Variants in YTHDF1 observed in about 807,000 individuals in gnomAD.
YTHDF1 encodes YTH N6-methyladenosine RNA binding protein F1.
In YTHDF1, 16 loss-of-function variants were observed where a neutral mutation model predicts 49.1. That is an observed-to-expected ratio of 0.33 (90% CI 0.22 to 0.49). The LOEUF (loss-of-function observed/expected upper bound fraction) is 0.49. Among genes scored for constraint, YTHDF1 ranks in the 20% least tolerant of loss-of-function variants. The probability of loss-of-function intolerance (pLI) is 0.99; values close to 1 mark genes in which losing one functional copy is unlikely to be tolerated. For synonymous variants in YTHDF1, 313 were observed against 290.1 expected, an observed-to-expected ratio of 1.08 and a Z score of -0.80; for missense variants, 621 against 744.3, an observed-to-expected ratio of 0.83 and a Z score of 1.93.
chr20:63,199,248 A>G (rs1028750622), intron 4 of YTHDF1, among the ~76,000 whole-genome samples: 6 of 152,342 alleles, frequency 3.9e-5, no homozygotes, highest in Admixed American at 2.6e-4. Context: ...GGCCGGGCGC[A>G]GTGGCTCACG....
chr20:63,215,994 G>T lies in YTHDF1; in HGVS notation c.-102C>A. The T allele has an allele frequency of 1.8e-6, 2 of 1,085,154 alleles. No homozygotes were observed. The highest frequency in any genetic ancestry group is 2.3e-6 in the Non-Finnish European group (2 of 885,108). 67.2% of individuals were successfully genotyped at this position (1,085,154 alleles called of 1,614,324 possible). A position where few individuals can be genotyped will look rare whatever the true frequency, so the allele number is the denominator to read the frequency against. On this transcript the variant is annotated 5_prime_UTR_variant, in exon 1 of 5. Transcript: ENST00000370339. ...AGCTCGCGCGGCCCCGGGCCCCGCC[G>T]CCAATTCCCCGGGCGCCGGCCGGGC...
rs6122396 is a variant in YTHDF1 at position 63,203,098 on chromosome 20, G to C, written c.842C>G (p.Pro281Arg). The C allele has an allele frequency of 6.2e-7, 1 of 1,608,482 alleles. No individual in the cohort carries two copies. Among genetic ancestry groups the C allele is most frequent in the East Asian group, 2.2e-5 (1 of 44,790 alleles). ...IGTWDNKGPV[P>R]KAPVPQQAPS... ...TGCCTGCTGGGGGACTGGGGCCTTC[G>C]GCACAGGCCCCTTGTTATCCCAGGT... is the stretch of plus-strand genomic sequence containing the variant. The change falls in exon 4 of 5, where the codon CCG (proline) becomes CGG (arginine). Residue 281 changes from proline to arginine, a missense_variant. This residue lies in a region of YTHDF1 where 470 missense variants were observed against 495.8 expected (regional missense o/e 0.95). Transcript: ENST00000370339. The surrounding 1 kb of genome is among the most constrained non-coding windows in gnomAD (Gnocchi z 4.4).
At chr20:63,214,798 T>C (rs551848357) in intron 2 of YTHDF1, among the ~76,000 whole-genome samples, 1 of 152,290 alleles carries the variant, frequency 6.6e-6, no homozygotes, top group South Asian at 2.1e-4. Flanking sequence ...GGGGGAAGTA[T>C]GTAACTTTTT....
intron 3 of YTHDF1, among the ~76,000 whole-genome samples, chr20:63,212,375 A>G (rs11906654): frequency 0.23 from 34,575 of 152,238 alleles, 3,994 homozygotes; most frequent in East Asian, 0.35. Flanking sequence ...ACACCTCAGA[A>G]AAGGGCAGAC....
rs137900221 is a variant in YTHDF1, at chr20:63,196,711, T to C, written c.1677A>G (p.Gln559=). 5.0e-6 allele frequency: 8 copies of C among 1,613,844 alleles called. No homozygotes were observed. The African/African-American group carries it at 6.7e-5, about 13-fold the overall frequency. The change falls in exon 5 of 5, where the codon CAA becomes CAG. Residue 559 remains glutamine (Q), a synonymous_variant. Transcript: ENST00000370339. The part of the protein sequence containing the change: ...VRKERQSRNK[Q] ...CATGTAAGAAACTGGTTCGCCCTCATTGTTTGTTTCGACTCTGCCGTTCCT... is the reference window on the plus strand; with the variant it reads ...CATGTAAGAAACTGGTTCGCCCTCACTGTTTGTTTCGACTCTGCCGTTCCT...
intron 4 of YTHDF1, among the ~76,000 whole-genome samples, chr20:63,201,928 G>T (rs540603358): frequency 3.9e-5 from 6 of 152,340 alleles, no homozygotes; most frequent in African/African-American, 1.4e-4. Context: ...GGGAAGCACT[G>T]TTCCAGAAAG....
chr20:63,204,864 A>G (rs1231457527), intron 3 of YTHDF1, among the ~76,000 whole-genome samples: 1 of 151,938 alleles, frequency 6.6e-6, no homozygotes, highest in Non-Finnish European at 1.5e-5. Context: ...TCCCTCCAAC[A>G]CTGCCTTAAA....
chr20:63,207,706 GAAA>G (rs1407401378), intron 3 of YTHDF1, among the ~76,000 whole-genome samples: 2 of 151,702 alleles, frequency 1.3e-5, no homozygotes, highest in Non-Finnish European at 2.9e-5. Flanking sequence ...CCTCATCGAA[GAAA>G]GGCTAACACA....
chr20:63,203,532 C>T lies in YTHDF1; in HGVS notation c.408G>A (p.Gly136=), dbSNP rs1269813323. The stretch of plus-strand genomic sequence containing the variant: ...AGCTCTGGGTCTGCTGACCTTGAGA[C>T]CCACTTGTCCCCCATGCTGAGAACG... The part of the protein sequence containing the change: ...NPAFSAWGTS[G]SQGQQTQSSA... The change falls in exon 4 of 5, where the codon GGG becomes GGA. Residue 136 remains glycine (G), a synonymous_variant. Transcript: ENST00000370339. This position sits in a 1 kb window ranked among gnomAD's most constrained non-coding sequence, Gnocchi z 4.4. 1 of 1,614,032 alleles carries T rather than the reference C, an allele frequency of 6.2e-7. No homozygotes were observed. Among genetic ancestry groups the T allele is most frequent in the South Asian group, 1.1e-5 (1 of 91,082 alleles).
At chr20:63,215,645 G>A (rs1020724617) in intron 1 of YTHDF1, 44 bp from the exon 2 acceptor site, 6 of 1,580,918 alleles carry the variant, frequency 3.8e-6, no homozygotes, top group South Asian at 3.4e-5. Flanking sequence ...ACAACCCGGG[G>A]GAAGAGGGAA....
At chr20:63,208,685 G>A (rs773697116) in intron 3 of YTHDF1, among the ~76,000 whole-genome samples, 4 of 152,180 alleles carry the variant, frequency 2.6e-5, no homozygotes, top group Non-Finnish European at 5.9e-5. Flanking sequence ...CTTAGCAGGC[G>A]CTGCCACTGG....
intron 3 of YTHDF1, among the ~76,000 whole-genome samples, chr20:63,208,597 C>A (rs2066559129): frequency 6.6e-6 from 1 of 152,322 alleles, no homozygotes; most frequent in African/African-American, 2.4e-5. Flanking sequence ...CAGCAACTTG[C>A]CAGTAAGAAG....
At chr20:63,213,824 C>G (rs2066587618) in intron 3 of YTHDF1, 40 bp downstream of exon 3, 3 of 1,562,148 alleles carry the variant, frequency 1.9e-6, no homozygotes, top group Non-Finnish European at 2.6e-6. Context: ...ACAATTAAAA[C>G]CAACTTAAAA....
Position 63,208,610 on chromosome 20 carries a change from C to T in YTHDF1, c.133-4803G>A, listed in dbSNP as rs562825009. On this transcript the variant is annotated intron_variant, in intron 3 of 4. Coordinates refer to ENST00000370339, the MANE Select transcript of YTHDF1 (RefSeq NM_017798.4). ...TTCAGCAACTTGCCAGTAAGAAGCA[C>T]GTTAAGATCCCACTATGTCCTTCCA... Among the ~76,000 whole-genome samples, 19 of 152,294 alleles carry T rather than the reference C, an allele frequency of 1.2e-4. No individual in the cohort carries two copies. In the East Asian group the frequency reaches 3.3e-3, roughly 26 times the overall value.
chr20:63,203,473 C>T lies in YTHDF1; in HGVS notation c.467G>A (p.Ser156Asn), dbSNP rs1462538227. The T allele has an allele frequency of 2.5e-6, 4 of 1,613,252 alleles. No homozygotes were observed. The African/African-American group carries it at 5.3e-5, about 22-fold the overall frequency. The change falls in exon 4 of 5, where the codon AGC (serine) becomes AAC (asparagine). Residue 156 changes from serine to asparagine, a missense_variant. This residue lies in a region of YTHDF1 where 470 missense variants were observed against 495.8 expected (regional missense o/e 0.95). Transcript: ENST00000370339. The surrounding 1 kb of genome is among the most constrained non-coding windows in gnomAD (Gnocchi z 4.4). ...AYGSSYTYPP[S>N]SLGGTVVDGQ... ...ATCAACCACCGTGCCACCCAGGGAG[C>T]TCGGGGGGTAGGTGTAGCTGCTCCC...
intron 3 of YTHDF1, among the ~76,000 whole-genome samples, chr20:63,211,184 T>C (rs2066572449): frequency 1.3e-5 from 2 of 152,150 alleles, no homozygotes; most frequent in South Asian, 4.1e-4. Flanking sequence ...CAGGGTTAGG[T>C]TGGGCACTAG....
At chr20:63,206,358 A>T (rs1280305616) in intron 3 of YTHDF1, among the ~76,000 whole-genome samples, 2 of 152,250 alleles carry the variant, frequency 1.3e-5, no homozygotes, top group African/African-American at 4.8e-5. Context: ...AAGACAGGAC[A>T]TCACTTACCA....
At chr20:63,202,192 G>T in intron 4 of YTHDF1, 95 bp downstream of exon 4, 1 of 1,481,076 alleles carries the variant, frequency 6.8e-7, no homozygotes, top group Non-Finnish European at 9.0e-7. Context: ...TCAGCTCGGC[G>T]GACCTGCCGC....
chr20:63,202,234 T>A (rs995187931), intron 4 of YTHDF1, 53 bp downstream of exon 4: 65 of 1,566,244 alleles, frequency 4.2e-5, no homozygotes, highest in Admixed American at 5.3e-5. Flanking sequence ...CTGGTCTAAG[T>A]ACGGCACCAA....
Sources: gnomAD v4.1 joint callset for allele counts (sites outside exome capture counted in the v4.1 genomes callset) on GRCh38, gnomAD v4.1.1 for gene constraint, gnomAD v4.1.1 regional missense constraint, Gnocchi (gnomAD v3.1) non-coding constraint, MANE v1.5 for transcripts, NCBI Gene and HGNC (gene_info 2026-07-23, HGNC 2026-07-21) for gene names.